The following MAP3K4 variants were observed in gnomAD, a reference collection of about 807,000 sequenced individuals.
MAP3K4 encodes the protein mitogen-activated protein kinase kinase kinase 4.
In MAP3K4, 67 loss-of-function variants were observed where a neutral mutation model predicts 185.6. The ratio of observed to expected loss-of-function variants is 0.36; its 90% confidence interval spans 0.30 to 0.44. The LOEUF (loss-of-function observed/expected upper bound fraction) is 0.44. MAP3K4 is among the 20% of genes least tolerant of loss of function. The probability of loss-of-function intolerance (pLI) is 1.00; values close to 1 mark genes in which losing one functional copy is unlikely to be tolerated. For synonymous variants in MAP3K4, 702 were observed against 710.4 expected (o/e 0.99, Z 0.19); for missense variants, 1,551 against 1,995.1 (o/e 0.78, Z 4.24).
At chr6:161,047,481 C>A (rs1483650040) in intron 2 of MAP3K4, among the ~76,000 whole-genome samples, 4 of 152,006 alleles carry the variant, frequency 2.6e-5, no homozygotes, top group African/African-American at 4.8e-5. Context: ...ATATAACGTT[C>A]TAATTTCAGA....
chr6:160,993,744 A>C (rs1780855379), intron 1 of MAP3K4, among the ~76,000 whole-genome samples: 1 of 152,246 alleles, frequency 6.6e-6, no homozygotes, highest in African/African-American at 2.4e-5. Flanking sequence ...GTAAAAAAAA[A>C]AAAAAACTTG....
intron 7 of MAP3K4, among the ~76,000 whole-genome samples, chr6:161,085,237 T>G (rs1785651259): frequency 6.6e-6 from 1 of 152,192 alleles, no homozygotes; most frequent in Admixed American, 6.5e-5. Flanking sequence ...ATGCCTTTTA[T>G]ATTAGTTTCT....
At position 161,048,529 on chromosome 6, in the gene MAP3K4, G is replaced by C; in HGVS notation, c.344-87G>C. 1 of 833,516 alleles carries C rather than the reference G, an allele frequency of 1.2e-6. No homozygotes were observed. The highest frequency in any genetic ancestry group is 1.8e-6 in the Non-Finnish European group (1 of 552,012). 51.6% of individuals were successfully genotyped at this position (833,516 alleles called of 1,614,324 possible). A position where few individuals can be genotyped will look rare whatever the true frequency, so the allele number is the denominator to read the frequency against. On this transcript the variant is annotated intron_variant, in intron 2 of 26. Transcript: ENST00000392142. This position sits in a 1 kb window ranked among gnomAD's most constrained non-coding sequence, Gnocchi z 4.7. ...ATTAGCAGTCTGAAAATATAAATATGTGTGAATACCAGTTTTATTGAAAAT... is the reference window on the plus strand; with the variant it reads ...ATTAGCAGTCTGAAAATATAAATATCTGTGAATACCAGTTTTATTGAAAAT...
chr6:161,044,595 A>G (rs1307867219), intron 2 of MAP3K4, among the ~76,000 whole-genome samples: 2 of 152,234 alleles, frequency 1.3e-5, no homozygotes, highest in Admixed American at 6.5e-5. Context: ...ATAGAGGCCT[A>G]ACTGGTCATC....
intron 3 of MAP3K4, among the ~76,000 whole-genome samples, chr6:161,065,955 A>AAAG: frequency 6.6e-6 from 1 of 151,194 alleles, no homozygotes; most frequent in African/African-American, 2.4e-5. Flanking sequence ...AAAAAAAAAA[A>AAAG]AAGAATATTT....
chr6:161,062,182 C>G (rs1429663659), intron 3 of MAP3K4, among the ~76,000 whole-genome samples: 1 of 152,124 alleles, frequency 6.6e-6, no homozygotes, highest in African/African-American at 2.4e-5. Flanking sequence ...TTGTTCCCAA[C>G]TTTGAGCTAT....
rs1174019612 is a variant in MAP3K4 at position 161,073,312 on chromosome 6, T to C, written c.1951-154T>C. 1.7e-6 allele frequency: 1 copy of C among 591,562 alleles called. No homozygotes were observed. Among genetic ancestry groups the C allele is most frequent in the African/African-American group, 1.9e-5 (1 of 52,238 alleles). 36.6% of individuals were successfully genotyped at this position (591,562 alleles called of 1,614,324 possible). On this transcript the variant is annotated intron_variant, in intron 4 of 26. Transcript: ENST00000392142. This position sits in a 1 kb window ranked among gnomAD's most constrained non-coding sequence, Gnocchi z 4.2. ...AATTGAGACTACTAAGGTATTTACA[T>C]AAAATGAACTGATCAAGAATCTAGA...
Position 161,086,508 on chromosome 6 carries a change from C to G in MAP3K4, c.2472+30C>G. 2 of 1,602,020 alleles carry G rather than the reference C, an allele frequency of 1.2e-6. No individual in the cohort carries two copies. The highest frequency in any genetic ancestry group is 1.1e-5 in the South Asian group (1 of 89,644). ...GCTTGCAATCCTGATTAATTAGTAC[C>G]TTTTTTCTTGTTTTTCTTTTATCTT... On this transcript the variant is annotated intron_variant, in intron 8 of 26. Transcript: ENST00000392142. The surrounding 1 kb of genome is among the most constrained non-coding windows in gnomAD (Gnocchi z 4.8).
At position 161,089,501 on chromosome 6, in the gene MAP3K4, A is replaced by G. The variant is rs373589487; in HGVS notation, c.2973+30A>G. ...TACACTGTCCTCTACATTAGCTGAG[A>G]TTTTTCCTTTTTGATGAAAGTCAGT... On this transcript the variant is annotated intron_variant, in intron 11 of 26. Coordinates refer to ENST00000392142, the MANE Select transcript of MAP3K4 (RefSeq NM_005922.4). 38 of 1,607,878 alleles carry G rather than the reference A, an allele frequency of 2.4e-5. 1 individual carries two copies. Among genetic ancestry groups the G allele is most frequent in the Admixed American group, 1.2e-4 (7 of 58,816 alleles).
intron 2 of MAP3K4, among the ~76,000 whole-genome samples, chr6:161,044,632 A>T (rs1412052198): frequency 6.6e-6 from 1 of 151,990 alleles, no homozygotes; most frequent in African/African-American, 2.4e-5. Flanking sequence ...TCTTGGATTT[A>T]CTCTCTGTGT....
At chr6:161,006,600 ACTGAAGGATGG>A (rs1781591728) in intron 1 of MAP3K4, among the ~76,000 whole-genome samples, 2 of 152,206 alleles carry the variant, frequency 1.3e-5, no homozygotes, top group African/African-American at 4.8e-5. Context: ...CCTCGTAGAT[ACTGAAGGATGG>A]CTGTACTTAT....
rs200966904 is a variant in MAP3K4, at chr6:161,064,454, C to CTT, written c.1708-6144_1708-6143dup. ...ATTTTCCAACTTCTTAAACTGCTGCCTTTTTTTTTTTACATTAAATTCTAG... is the reference window on the plus strand; with the variant it reads ...ATTTTCCAACTTCTTAAACTGCTGCCTTTTTTTTTTTTTACATTAAATTCTAG... On this transcript the variant is annotated intron_variant, in intron 3 of 26. Transcript: ENST00000392142. The surrounding 1 kb of genome is among the most constrained non-coding windows in gnomAD (Gnocchi z 4.3). Among the ~76,000 whole-genome samples the CTT allele has an allele frequency of 2.1e-5, 3 of 143,348 alleles. No individual in the cohort carries two copies. The highest frequency in any genetic ancestry group is 7.6e-5 in the African/African-American group (3 of 39,286). 94.0% of individuals were successfully genotyped at this position (143,348 alleles called of 152,430 possible).
intron 1 of MAP3K4, among the ~76,000 whole-genome samples, chr6:161,019,830 C>T (rs1782293293): frequency 6.6e-6 from 1 of 151,922 alleles, no homozygotes; most frequent in African/African-American, 2.4e-5. Context: ...TTATGTTAAC[C>T]ATTTAAAAAA....
intron 19 of MAP3K4, 148 bp downstream of exon 19, chr6:161,102,927 C>A: frequency 1.7e-6 from 1 of 581,424 alleles, no homozygotes; most frequent in East Asian, 2.9e-5. Flanking sequence ...GCTCTGACAT[C>A]ACTTTCTATC....
intron 2 of MAP3K4, among the ~76,000 whole-genome samples, chr6:161,041,959 T>C: frequency 7.0e-6 from 1 of 143,492 alleles, no homozygotes; most frequent in East Asian, 2.2e-4. Flanking sequence ...GGTCTCGCTA[T>C]GTTGCCCAGA....
rs1278129068 is a variant in MAP3K4 at position 161,109,513 on chromosome 6, T to C, written c.4237-242T>C. ...GATAATAGAAATTGATCCCCTGTGA[T>C]TTGGAGATGTTCTTATCCCCAAGAG... On this transcript the variant is annotated intron_variant, in intron 22 of 26. Coordinates refer to ENST00000392142, the MANE Select transcript of MAP3K4 (RefSeq NM_005922.4). The surrounding 1 kb of genome is among the most constrained non-coding windows in gnomAD (Gnocchi z 5.7). Among the ~76,000 whole-genome samples the C allele has an allele frequency of 6.6e-6, 1 of 152,198 alleles. No individual in the cohort carries two copies.
In MAP3K4 at chr6:161,089,343, G is replaced by T; in HGVS notation, c.2845G>T (p.Val949Phe). 1 of 1,614,006 alleles carries T rather than the reference G, an allele frequency of 6.2e-7. No individual in the cohort carries two copies. ...SMQVDNLLLV[V>F]MQSAHLTIQR... ...CCAGGTGGATAATCTTTTACTAGTT[G>T]TCATGCAGTCTGCGCATCTCACAAT... is the stretch of plus-strand genomic sequence containing the variant. The change falls in exon 11 of 27, where the codon GTC becomes TTC. Residue 949 changes from valine to phenylalanine, a missense_variant. Val to Phe is a conservative substitution (Grantham distance 50). This residue lies in a region of MAP3K4 where 261 missense variants were observed against 306.5 expected (regional missense o/e 0.85). Coordinates refer to ENST00000392142, the MANE Select transcript of MAP3K4 (RefSeq NM_005922.4).
chr6:161,049,655 T>C lies in MAP3K4; in HGVS notation c.1383T>C (p.Ser461=). Residue 461 remains serine (S), a synonymous_variant, in exon 3 of 27, where the codon AGT becomes AGC. Transcript: ENST00000392142. This position sits in a 1 kb window ranked among gnomAD's most constrained non-coding sequence, Gnocchi z 8.4. ...LKELESSTDE[S]EEEQISDPRV... The stretch of plus-strand genomic sequence containing the variant: ...AGTTGGAAAGTAGTACGGATGAGAG[T>C]GAAGAAGAACAAATCTCTGATCCTA... 1 of 1,613,706 alleles carries C rather than the reference T, an allele frequency of 6.2e-7. No homozygotes were observed. The highest frequency in any genetic ancestry group is 1.3e-5 in the African/African-American group (1 of 74,860).
rs1778212716 is a variant in MAP3K4, at chr6:161,108,636, T to C, written c.4120-107T>C. The C allele has an allele frequency of 1.4e-6, 1 of 718,742 alleles. No individual in the cohort carries two copies. 44.5% of individuals were successfully genotyped at this position (718,742 alleles called of 1,614,324 possible). On this transcript the variant is annotated intron_variant, in intron 21 of 26. Coordinates refer to ENST00000392142, the MANE Select transcript of MAP3K4 (RefSeq NM_005922.4). This position sits in a 1 kb window ranked among gnomAD's most constrained non-coding sequence, Gnocchi z 5.7. ...TTTTTTGTTGTTTTTAATTGACAAA[T>C]CATGATTACATATATTTATGGGGTG...
Sources: gnomAD v4.1 joint callset for allele counts (sites outside exome capture counted in the v4.1 genomes callset) on GRCh38, gnomAD v4.1.1 for gene constraint, gnomAD v4.1.1 regional missense constraint, Gnocchi (gnomAD v3.1) non-coding constraint, MANE v1.5 for transcripts, NCBI Gene and HGNC (gene_info 2026-07-23, HGNC 2026-07-21) for gene names.